The following ASIC2 variants were observed in gnomAD, a reference collection of about 807,000 sequenced individuals.
ASIC2 encodes acid sensing ion channel subunit 2.
ASIC2 carries 25 observed loss-of-function variants against 57.3 expected under a neutral mutation model. The observed-to-expected ratio is 0.44, with a 90% CI of 0.32 to 0.61. The LOEUF (loss-of-function observed/expected upper bound fraction) is 0.61. Ranked by LOEUF, ASIC2 falls within the 20% of genes least tolerant of loss-of-function variation. ASIC2 has a pLI of 0.06. For synonymous variants in ASIC2, 319 were observed against 307.5 expected (o/e 1.04, Z -0.39); for missense variants, 641 against 738.1 (o/e 0.87, Z 1.52).
chr17:33,979,858 C>T (rs1038300129), intron 1 of ASIC2, among the ~76,000 whole-genome samples: 3 of 152,150 alleles, frequency 2.0e-5, no homozygotes, highest in East Asian at 1.9e-4. Context: ...ATGAAGAACT[C>T]GGGAACTCAG....
At chr17:33,465,376 T>TC (rs1331603989) in intron 1 of ASIC2, among the ~76,000 whole-genome samples, 1 of 145,930 alleles carries the variant, frequency 6.9e-6, no homozygotes, top group South Asian at 2.2e-4. Context: ...CTTTTTCTTT[T>TC]TTTTTTTTTT....
At chr17:33,690,743 G>GTTTT (rs527881591) in intron 1 of ASIC2, among the ~76,000 whole-genome samples, 79 of 81,688 alleles carry the variant, frequency 9.7e-4, no homozygotes, top group Non-Finnish European at 1.4e-3. Flanking sequence ...ACTCTTCATT[G>GTTTT]TTTTTTTTTT....
At chr17:33,426,038 A>G (rs893999975) in intron 1 of ASIC2, among the ~76,000 whole-genome samples, 3 of 152,172 alleles carry the variant, frequency 2.0e-5, no homozygotes, top group Non-Finnish European at 2.9e-5. Context: ...GTTCCTCAGC[A>G]TTCTTCAACC....
At chr17:33,265,984 C>T (rs2142150692) in intron 1 of ASIC2, among the ~76,000 whole-genome samples, 1 of 152,318 alleles carries the variant, frequency 6.6e-6, no homozygotes. Flanking sequence ...CACCTCCTGT[C>T]CCATGGCCAT....
At chr17:33,983,986 T>C (rs1296518575) in intron 1 of ASIC2, among the ~76,000 whole-genome samples, 1 of 152,224 alleles carries the variant, frequency 6.6e-6, no homozygotes, top group Non-Finnish European at 1.5e-5. Context: ...CATGTGTCCA[T>C]GCTGTCTGTT....
chr17:34,132,709 G>C (rs1278783269), intron 1 of ASIC2, among the ~76,000 whole-genome samples: 2 of 152,190 alleles, frequency 1.3e-5, no homozygotes, highest in Non-Finnish European at 2.9e-5. Context: ...ACGAAGTCCA[G>C]CTGGCTTCAC....
intron 1 of ASIC2, among the ~76,000 whole-genome samples, chr17:33,516,411 T>TGTGAGA (rs1446618011): frequency 3.4e-5 from 5 of 149,152 alleles, no homozygotes; most frequent in African/African-American, 1.3e-4. Context: ...AGTGTGAGTG[T>TGTGAGA]GTGTGTGTGT....
chr17:33,307,901 G>A (rs965573823), intron 1 of ASIC2, among the ~76,000 whole-genome samples: 2 of 152,216 alleles, frequency 1.3e-5, no homozygotes, highest in Non-Finnish European at 2.9e-5. Context: ...ATAAATGGTG[G>A]TTGTTAATAT....
intron 1 of ASIC2, among the ~76,000 whole-genome samples, chr17:33,269,683 C>T (rs868366531): frequency 9.3e-5 from 6 of 64,252 alleles, no homozygotes; most frequent in African/African-American, 1.0e-4. Context: ...TCCCTCCCTC[C>T]CTCCTGCCTG....
intron 4 of ASIC2, among the ~76,000 whole-genome samples, chr17:33,026,571 C>T (rs1233654624): frequency 6.6e-6 from 1 of 152,214 alleles, no homozygotes; most frequent in Admixed American, 6.5e-5. Context: ...TGTGTTTCTT[C>T]ATTGCTTTGT....
chr17:33,236,121 T>G (rs963387499), intron 1 of ASIC2, among the ~76,000 whole-genome samples: 1 of 151,362 alleles, frequency 6.6e-6, no homozygotes, highest in Non-Finnish European at 1.5e-5. Context: ...AGGGAGTTGA[T>G]GATATTTAGA....
chr17:33,497,649 G>A (rs1326861196), intron 1 of ASIC2, among the ~76,000 whole-genome samples: 1 of 152,214 alleles, frequency 6.6e-6, no homozygotes, highest in African/African-American at 2.4e-5. Context: ...GGAGTGAAGA[G>A]GGGAGGGCAC....
At chr17:33,133,526 A>G (rs951395213) in intron 1 of ASIC2, among the ~76,000 whole-genome samples, 24 of 152,308 alleles carry the variant, frequency 1.6e-4, no homozygotes, top group African/African-American at 5.1e-4. Flanking sequence ...TATTTTAGGG[A>G]TGGGAAACTT....
chr17:33,015,831 T>C, intron 9 of ASIC2, 140 bp downstream of exon 9: 2 of 826,492 alleles, frequency 2.4e-6, no homozygotes, highest in East Asian at 2.7e-5. Flanking sequence ...TCCTTGGATT[T>C]GGGAACTGAC....
chr17:33,873,056 C>T (rs908041102), intron 1 of ASIC2, among the ~76,000 whole-genome samples: 3 of 152,160 alleles, frequency 2.0e-5, no homozygotes, highest in Non-Finnish European at 2.9e-5. Flanking sequence ...AAAAACCCAA[C>T]GCAGAACTCC....
intron 1 of ASIC2, among the ~76,000 whole-genome samples, chr17:33,230,065 C>T (rs1000079917): frequency 6.6e-6 from 1 of 152,192 alleles, no homozygotes; most frequent in Non-Finnish European, 1.5e-5. Context: ...CCCTCCCCTG[C>T]ATCCCAGGTG....
chr17:33,990,370 T>A (rs1322371445), intron 1 of ASIC2, among the ~76,000 whole-genome samples: 5 of 152,194 alleles, frequency 3.3e-5, no homozygotes, highest in Admixed American at 6.5e-5. Context: ...TAAAAAAAAA[T>A]TTTAATATTC....
At chr17:33,835,979 T>G (rs182950856) in intron 1 of ASIC2, among the ~76,000 whole-genome samples, 2 of 151,072 alleles carry the variant, frequency 1.3e-5, no homozygotes, top group African/African-American at 4.9e-5. Flanking sequence ...TATATAATTA[T>G]TAACATTTTA....
In ASIC2 at chr17:33,352,444, T is replaced by G. The variant is rs564669117; in HGVS notation, c.556-240377A>C. 2.6e-5 allele frequency among the ~76,000 whole-genome samples: 4 copies of G among 152,310 alleles called. No individual in the cohort carries two copies. In the South Asian group the frequency reaches 8.3e-4, roughly 32 times the overall value. ...CTTACCTTGTGCTTGCACCTCTTAC[T>G]AATGATGAGGCCTGGGCTGACTAAC... On this transcript the variant is annotated intron_variant, in intron 1 of 9. Coordinates refer to the ASIC2 transcript ENST00000359872.
Sources: gnomAD v4.1 joint callset for allele counts (sites outside exome capture counted in the v4.1 genomes callset) on GRCh38, gnomAD v4.1.1 for gene constraint, MANE v1.5 for transcripts, NCBI Gene and HGNC (gene_info 2026-07-23, HGNC 2026-07-21) for gene names.